The following RNF150 variants were observed in gnomAD, a reference collection of about 807,000 sequenced individuals.
RNF150 encodes the protein ring finger protein 150.
Under a neutral mutation model 39.3 loss-of-function variants are expected in RNF150, and 24 were observed. The observed-to-expected ratio is 0.61, with a 90% CI of 0.44 to 0.86. The LOEUF (loss-of-function observed/expected upper bound fraction) is 0.86. RNF150 is among the 40% of genes least tolerant of loss of function. RNF150 has a pLI of 0.00. For missense variants in RNF150, 502 were observed against 587.8 expected, an observed-to-expected ratio of 0.85 and a Z score of 1.51; for synonymous variants, 255 against 227.3, an observed-to-expected ratio of 1.12 and a Z score of -1.10.
chr4:140,888,018 A>T (rs1297071549), intron 6 of RNF150, among the ~76,000 whole-genome samples: 4 of 152,144 alleles, frequency 2.6e-5, no homozygotes, highest in Non-Finnish European at 5.9e-5. Context: ...GGTTTTTATC[A>T]TTTCTGACCA....
intron 5 of RNF150, among the ~76,000 whole-genome samples, chr4:140,911,596 T>TA (rs1377555922): frequency 1.3e-5 from 2 of 152,210 alleles, no homozygotes; most frequent in African/African-American, 2.4e-5. Context: ...TCTTTTAGAT[T>TA]AAAAATTAAA....
At chr4:141,201,745 T>C (rs1245609116) in intron 1 of RNF150, among the ~76,000 whole-genome samples, 1 of 152,138 alleles carries the variant, frequency 6.6e-6, no homozygotes, top group Non-Finnish European at 1.5e-5. Context: ...TCTCTGCTTG[T>C]CTTCATTTTG....
chr4:140,958,671 T>A (rs1732883311), intron 2 of RNF150, among the ~76,000 whole-genome samples: 1 of 152,118 alleles, frequency 6.6e-6, no homozygotes, highest in Non-Finnish European at 1.5e-5. Context: ...GACTGTGGTT[T>A]CCTCTCTGCA....
At chr4:140,982,931 T>C (rs1050435813) in intron 1 of RNF150, among the ~76,000 whole-genome samples, 1 of 152,164 alleles carries the variant, frequency 6.6e-6, no homozygotes, top group Non-Finnish European at 1.5e-5. Context: ...ATAAGCATTA[T>C]AGACTTGTTC....
At position 141,015,328 on chromosome 4, in the gene RNF150, C is replaced by A. The variant is rs182156328; in HGVS notation, c.485-47455G>T. On this transcript the variant is annotated intron_variant, in intron 1 of 6. Coordinates refer to ENST00000515673, the MANE Select transcript of RNF150 (RefSeq NM_020724.2). ...TTTTATGATTCCATATGAATTTAAG[C>A]TGTAGATTGCTTTGGGTAGTATGAA... Among the ~76,000 whole-genome samples, 53 of 152,224 alleles carry A rather than the reference C, an allele frequency of 3.5e-4. No homozygotes were observed. In the East Asian group the frequency reaches 9.8e-3, roughly 28 times the overall value.
chr4:140,981,708 C>T (rs1733865342), intron 1 of RNF150, among the ~76,000 whole-genome samples: 1 of 152,144 alleles, frequency 6.6e-6, no homozygotes, highest in Non-Finnish European at 1.5e-5. Context: ...TTGGTCTCCA[C>T]CTGTGATGCT....
At chr4:141,172,164 G>A (rs978200253) in intron 1 of RNF150, among the ~76,000 whole-genome samples, 8 of 152,082 alleles carry the variant, frequency 5.3e-5, no homozygotes, top group Non-Finnish European at 1.2e-4. Context: ...AGACTGTGGG[G>A]CAGCTCGGTG....
rs921524590 is a variant in RNF150, at chr4:141,015,634, G to A, written c.485-47761C>T. Among the ~76,000 whole-genome samples, 4 of 152,132 alleles carry A rather than the reference G, an allele frequency of 2.6e-5. No homozygotes were observed. In the East Asian group the frequency reaches 5.8e-4, roughly 22 times the overall value. On this transcript the variant is annotated intron_variant, in intron 1 of 6. Transcript: ENST00000515673. ...GTAATTTTACTGAATTCATTTATCA[G>A]TCCTAACAATTTTTCATGGAGTCTT...
At chr4:140,905,200 T>C (rs1194077347) in intron 6 of RNF150, among the ~76,000 whole-genome samples, 1 of 152,202 alleles carries the variant, frequency 6.6e-6, no homozygotes, top group Non-Finnish European at 1.5e-5. Context: ...TGAAAAGTAT[T>C]CACATACATA....
intron 1 of RNF150, among the ~76,000 whole-genome samples, chr4:141,081,162 G>T (rs1181537432): frequency 2.0e-5 from 3 of 152,012 alleles, no homozygotes; most frequent in Non-Finnish European, 4.4e-5. Context: ...GGACATGTCT[G>T]CATTGGGACA....
At position 140,911,338 on chromosome 4, in the gene RNF150, A is replaced by G; in HGVS notation, c.1004T>C (p.Met335Thr). Residue 335 changes from methionine (M) to threonine (T), a missense_variant, in exon 6 of 7, where the codon ATG becomes ACG. Coordinates refer to ENST00000515673, the MANE Select transcript of RNF150 (RefSeq NM_020724.2). ...CTCGAAGTCAGTGGGCAAGTCGTCCATGCAGTCGGCATTGGGCTGATGGGG... is the reference window on the plus strand; with the variant it reads ...CTCGAAGTCAGTGGGCAAGTCGTCCGTGCAGTCGGCATTGGGCTGATGGGG... ...ALGIPPNADC[M>T]DDLPTDFEGS... The G allele has an allele frequency of 6.2e-7, 1 of 1,614,186 alleles. No homozygotes were observed. The highest frequency in any genetic ancestry group is 1.1e-5 in the South Asian group (1 of 91,076).
intron 1 of RNF150, among the ~76,000 whole-genome samples, chr4:141,037,568 C>CA (rs746646707): frequency 7.2e-5 from 11 of 152,048 alleles, no homozygotes; most frequent in Admixed American, 2.6e-4. Flanking sequence ...CCCAGTTTCC[C>CA]AATAAAATAA....
chr4:140,995,707 A>T (rs1734340696), intron 1 of RNF150, among the ~76,000 whole-genome samples: 1 of 152,156 alleles, frequency 6.6e-6, no homozygotes, highest in South Asian at 2.1e-4. Context: ...AGCTTCCACA[A>T]ATGAGTGAGA....
intron 1 of RNF150, among the ~76,000 whole-genome samples, chr4:141,067,904 A>G (rs1391105719): frequency 1.3e-5 from 2 of 152,166 alleles, no homozygotes; most frequent in African/African-American, 4.8e-5. Flanking sequence ...ATTGAAAACA[A>G]ATCATGTATA....
chr4:140,952,969 T>C (rs1157096587), intron 2 of RNF150, among the ~76,000 whole-genome samples: 1 of 152,212 alleles, frequency 6.6e-6, no homozygotes, highest in Non-Finnish European at 1.5e-5. Flanking sequence ...CTCTATGGTA[T>C]AGCCTATTGC....
chr4:140,911,422 T>C, intron 5 of RNF150, 68 bp from the exon 6 acceptor site: 2 of 1,320,658 alleles, frequency 1.5e-6, no homozygotes, highest in Non-Finnish European at 2.1e-6. Context: ...GTCTATAGCC[T>C]AAACATTCTG....
intron 1 of RNF150, among the ~76,000 whole-genome samples, chr4:141,157,659 C>G (rs1005688779): frequency 1.6e-5 from 2 of 128,310 alleles, no homozygotes; most frequent in Non-Finnish European, 3.6e-5. Context: ...TAGACTGATT[C>G]CATATGTCTT....
At chr4:141,102,788 T>A (rs923973469) in intron 1 of RNF150, among the ~76,000 whole-genome samples, 3 of 152,288 alleles carry the variant, frequency 2.0e-5, no homozygotes, top group Middle Eastern at 3.4e-3. Context: ...TCCTAAGCGG[T>A]TGTCTCCAGC....
In RNF150 at chr4:141,061,176, A is replaced by G. The variant is rs574544448; in HGVS notation, c.484+71149T>C. Among the ~76,000 whole-genome samples, 22 of 152,032 alleles carry G rather than the reference A, an allele frequency of 1.4e-4. No homozygotes were observed. In the South Asian group the frequency reaches 4.6e-3, roughly 32 times the overall value. On this transcript the variant is annotated intron_variant, in intron 1 of 6. Coordinates refer to ENST00000515673, the MANE Select transcript of RNF150 (RefSeq NM_020724.2). The stretch of plus-strand genomic sequence containing the variant: ...AAAAAAAAAAGATATTAAAAACCCA[A>G]GGCAAAAAAAATGCTTTGTATCATC...
Sources: allele counts gnomAD v4.1 joint callset (sites outside exome capture counted in the v4.1 genomes callset), GRCh38; gene constraint gnomAD v4.1.1; transcripts MANE v1.5; gene names NCBI Gene and HGNC (gene_info 2026-07-23, HGNC 2026-07-21).